The following BBX variants were observed in gnomAD, a reference collection of about 807,000 sequenced individuals.
BBX encodes BBX high mobility group box domain containing, also known as HMG box transcription factor BBX.
A neutral mutation model predicts 100.2 loss-of-function variants in BBX; 30 were observed. The observed-to-expected ratio is 0.30, with a 90% CI of 0.22 to 0.41. BBX has a LOEUF of 0.41. Ranked by LOEUF, BBX falls within the 10% of genes least tolerant of loss-of-function variation. The probability of loss-of-function intolerance (pLI) is 1.00; values close to 1 mark genes in which losing one functional copy is unlikely to be tolerated. For synonymous variants in BBX, 376 were observed against 388.1 expected, an observed-to-expected ratio of 0.97 and a Z score of 0.37; for missense variants, 1,023 against 1,129.8, an observed-to-expected ratio of 0.91 and a Z score of 1.35.
chr3:107,777,417 C>A (rs1298639814), intron 12 of BBX, among the ~76,000 whole-genome samples: 1 of 152,134 alleles, frequency 6.6e-6, no homozygotes, highest in Admixed American at 6.6e-5. Context: ...TAGCTAGCAG[C>A]CTAACACATT....
intron 2 of BBX, among the ~76,000 whole-genome samples, chr3:107,621,930 TA>T (rs917740567): frequency 1.3e-5 from 2 of 152,164 alleles, no homozygotes; most frequent in African/African-American, 4.8e-5. Flanking sequence ...ACATGGGGCC[TA>T]AAAAAACTTT....
intron 13 of BBX, among the ~76,000 whole-genome samples, chr3:107,782,310 G>A (rs1576785758): frequency 6.6e-6 from 1 of 151,712 alleles, no homozygotes; most frequent in Non-Finnish European, 1.5e-5. Flanking sequence ...TTATTGCATA[G>A]GAATATATTT....
At chr3:107,691,658 C>T (rs1034301148) in intron 3 of BBX, among the ~76,000 whole-genome samples, 1 of 152,128 alleles carries the variant, frequency 6.6e-6, no homozygotes, top group African/African-American at 2.4e-5. Flanking sequence ...ATTTCCTTGG[C>T]AAATGTGCAG....
rs1358166765 is a variant in BBX, at chr3:107,728,772, A to T, written c.413A>T (p.Asp138Val). Residue 138 changes from aspartate (D) to valine (V), a missense_variant, in exon 6 of 18, where the codon GAT becomes GTT. Asp to Val is a radical substitution (Grantham distance 152). Around this residue, in one of 9 missense-constraint regions of BBX, gnomAD observed 229 missense variants for 226.3 expected, o/e 1.01. Transcript: ENST00000325805. ...KYTDMAKEYK[D>V]AFMKANPGYK... is the part of the protein sequence containing the mutation. ...CTGTCGTTTTATTTATAGTATAAGGATGCATTTATGAAAGCAAATCCTGGC... is the reference window on the plus strand; with the variant it reads ...CTGTCGTTTTATTTATAGTATAAGGTTGCATTTATGAAAGCAAATCCTGGC... The T allele has an allele frequency of 6.2e-7, 1 of 1,612,312 alleles. No individual in the cohort carries two copies. The highest frequency in any genetic ancestry group is 8.5e-7 in the Non-Finnish European group (1 of 1,179,066).
At chr3:107,646,761 A>C (rs1302826642) in intron 3 of BBX, among the ~76,000 whole-genome samples, 1 of 152,120 alleles carries the variant, frequency 6.6e-6, no homozygotes, top group African/African-American at 2.4e-5. Context: ...TTATTCTTTA[A>C]CTTTTTAATT....
chr3:107,645,672 T>A (rs1467191469), intron 2 of BBX, among the ~76,000 whole-genome samples, 164 bp from the exon 3 acceptor site: 4 of 152,234 alleles, frequency 2.6e-5, no homozygotes, highest in Non-Finnish European at 4.4e-5. Flanking sequence ...AGGGCCACTT[T>A]CTCTAACTAG....
intron 13 of BBX, among the ~76,000 whole-genome samples, chr3:107,783,278 A>G (rs2068083800): frequency 6.6e-6 from 1 of 151,994 alleles, no homozygotes; most frequent in African/African-American, 2.4e-5. Context: ...ATTTACTTAG[A>G]GTAGTTTTAT....
chr3:107,631,959 G>A (rs1186134693), intron 2 of BBX, among the ~76,000 whole-genome samples: 1 of 152,130 alleles, frequency 6.6e-6, no homozygotes, highest in Non-Finnish European at 1.5e-5. Flanking sequence ...ATTTGAAAAT[G>A]GTTTTCAGAA....
chr3:107,665,341 G>C (rs2058680403), intron 3 of BBX, among the ~76,000 whole-genome samples: 1 of 152,106 alleles, frequency 6.6e-6, no homozygotes, highest in Non-Finnish European at 1.5e-5. Flanking sequence ...TTCTTCTTGA[G>C]CTTTACTCTA....
intron 15 of BBX, among the ~76,000 whole-genome samples, chr3:107,792,975 T>C (rs377242851): frequency 7.8e-4 from 119 of 152,288 alleles, no homozygotes; most frequent in African/African-American, 2.7e-3. Context: ...ATCTGGGTTC[T>C]AGTCTCAGAC....
At chr3:107,622,180 C>T (rs555110206) in intron 2 of BBX, among the ~76,000 whole-genome samples, 4 of 152,284 alleles carry the variant, frequency 2.6e-5, no homozygotes, top group South Asian at 2.1e-4. Flanking sequence ...GCCATATAAA[C>T]GGTGTCACGT....
chr3:107,712,527 T>C (rs1299862496), intron 4 of BBX, among the ~76,000 whole-genome samples: 1 of 152,192 alleles, frequency 6.6e-6, no homozygotes, highest in Non-Finnish European at 1.5e-5. Flanking sequence ...TTGCTCAAAC[T>C]TCACATCCAT....
intron 2 of BBX, among the ~76,000 whole-genome samples, chr3:107,592,505 A>T (rs550698088): frequency 6.6e-6 from 1 of 152,118 alleles, no homozygotes; most frequent in Non-Finnish European, 1.5e-5. Context: ...TTAAACGTCT[A>T]TTGGAGTCCA....
intron 2 of BBX, among the ~76,000 whole-genome samples, chr3:107,531,630 T>C (rs1409794480): frequency 6.6e-6 from 1 of 152,092 alleles, no homozygotes; most frequent in Non-Finnish European, 1.5e-5. Flanking sequence ...AACATGGGTA[T>C]GTTTTTAACT....
chr3:107,780,617 G>C lies in BBX; in HGVS notation c.2203+2098G>C, dbSNP rs184257009. On this transcript the variant is annotated intron_variant, in intron 13 of 17. Coordinates refer to ENST00000325805, the MANE Select transcript of BBX (RefSeq NM_001142568.3). ...ATTACATATGTGGGAAGTCTTCCAA[G>C]ATGAGATTTTGTTCTGCCTTCAGAT... Among the ~76,000 whole-genome samples the C allele has an allele frequency of 1.9e-3, 289 of 152,190 alleles. 1 individual carries two copies. The highest frequency in any genetic ancestry group is 6.8e-3 in the African/African-American group (284 of 41,552).
At chr3:107,551,005 A>G (rs1171683869) in intron 2 of BBX, among the ~76,000 whole-genome samples, 1 of 152,230 alleles carries the variant, frequency 6.6e-6, no homozygotes, top group East Asian at 1.9e-4. Flanking sequence ...AATTTCCTGG[A>G]ACAACTTTTT....
chr3:107,535,578 GT>G (rs1367686878), intron 2 of BBX, among the ~76,000 whole-genome samples: 2 of 146,562 alleles, frequency 1.4e-5, no homozygotes, highest in African/African-American at 5.0e-5. Context: ...ATTCTATATC[GT>G]TTGTGCTCTG....
chr3:107,622,105 C>T (rs2055817852), intron 2 of BBX, among the ~76,000 whole-genome samples: 2 of 152,180 alleles, frequency 1.3e-5, no homozygotes, highest in African/African-American at 4.8e-5. Context: ...ACTTTCCTCC[C>T]AACCCTAACC....
chr3:107,718,749 C>G (rs972735063), intron 5 of BBX, among the ~76,000 whole-genome samples: 1 of 152,022 alleles, frequency 6.6e-6, no homozygotes, highest in Non-Finnish European at 1.5e-5. Context: ...TAATTAGGTT[C>G]ACAATATTTG....
Sources: allele counts gnomAD v4.1 joint callset (sites outside exome capture counted in the v4.1 genomes callset), GRCh38; gene constraint gnomAD v4.1.1; regional missense constraint gnomAD v4.1.1; transcripts MANE v1.5; gene names NCBI Gene and HGNC (gene_info 2026-07-23, HGNC 2026-07-21).